PCMT1: variants seen among roughly 807,000 people sequenced by gnomAD.
PCMT1 encodes the protein protein-L-isoaspartate (D-aspartate) O-methyltransferase.
PCMT1 carries 9 observed loss-of-function variants against 29.2 expected under a neutral mutation model. That is an observed-to-expected ratio of 0.31 (90% CI 0.19 to 0.54). The LOEUF (loss-of-function observed/expected upper bound fraction) is 0.54. Ranked by LOEUF, PCMT1 falls within the 20% of genes least tolerant of loss-of-function variation. The probability of loss-of-function intolerance (pLI) is 0.95; values close to 1 mark genes in which losing one functional copy is unlikely to be tolerated. For synonymous variants in PCMT1, 98 were observed against 97.5 expected (o/e 1.00, Z -0.03); for missense variants, 184 against 282.2 (o/e 0.65, Z 2.49).
chr6:149,778,909 A>G (rs1272074732), intron 3 of PCMT1, among the ~76,000 whole-genome samples: 1 of 152,200 alleles, frequency 6.6e-6, no homozygotes, highest in African/African-American at 2.4e-5. Context: ...GTGATTAAAA[A>G]GAAAAGTTAT....
At position 149,781,467 on chromosome 6, in the gene PCMT1, C is replaced by T. The variant is rs190505663; in HGVS notation, c.192+8298C>T. Among the ~76,000 whole-genome samples, 1,451 of 152,152 alleles carry T rather than the reference C, an allele frequency of 9.5e-3. 29 individuals carry two copies. The highest frequency in any genetic ancestry group is 0.078 in the South Asian group (373 of 4,812). On this transcript the variant is annotated intron_variant, in intron 3 of 7. Coordinates refer to ENST00000464889, the MANE Select transcript of PCMT1 (RefSeq NM_001360452.2). Reference sequence around the variant, plus strand: ...GTCTTGAACTCCTGACCTCGTGATCCGCCCACCTCAGCCTCCCAAAGTGTT... The same window carrying T: ...GTCTTGAACTCCTGACCTCGTGATCTGCCCACCTCAGCCTCCCAAAGTGTT...
intron 3 of PCMT1, among the ~76,000 whole-genome samples, chr6:149,781,645 C>G (rs1397961434): frequency 6.6e-6 from 1 of 152,154 alleles, no homozygotes; most frequent in African/African-American, 2.4e-5. Flanking sequence ...CACGAGCCAC[C>G]ATAACTGGCC....
chr6:149,786,244 A>G lies in PCMT1; in HGVS notation c.193-3710A>G, dbSNP rs111574261. ...CCCCCACCTCCCTCCCAGACGGGAC[A>G]GGGCGGCTGGCCGGGCGGGGGTGCT... On this transcript the variant is annotated intron_variant, in intron 3 of 7. Coordinates refer to ENST00000464889, the MANE Select transcript of PCMT1 (RefSeq NM_001360452.2). 0.02 allele frequency among the ~76,000 whole-genome samples: 677 copies of G among 33,174 alleles called. 239 individuals carry two copies. The East Asian group carries it at 0.57, about 28-fold the overall frequency. 21.8% of individuals were successfully genotyped at this position (33,174 alleles called of 152,430 possible). A position where few individuals can be genotyped will look rare whatever the true frequency, so the allele number is the denominator to read the frequency against.
At chr6:149,762,996 TATG>T (rs1445517829) in intron 1 of PCMT1, among the ~76,000 whole-genome samples, 1 of 64,400 alleles carries the variant, frequency 1.6e-5, no homozygotes, top group Non-Finnish European at 2.2e-5. Context: ...CTATGATATA[TATG>T]ATATATATAT....
chr6:149,765,691 G>A, intron 1 of PCMT1: 1 of 361,028 alleles, frequency 2.8e-6, no homozygotes, highest in South Asian at 2.1e-5. Flanking sequence ...TTTTTGCTAG[G>A]CATGATGGCT....
chr6:149,789,066 A>ATTTTTTTTTTTTTT (rs56661461), intron 3 of PCMT1, among the ~76,000 whole-genome samples: 2 of 90,476 alleles, frequency 2.2e-5, no homozygotes, highest in Admixed American at 1.5e-4. Flanking sequence ...ATTGGATCTG[A>ATTTTTTTTTTTTTT]TTTTTTTTTT....
chr6:149,802,180 C>CTTT lies in PCMT1; in HGVS notation c.505-10_505-8dup, dbSNP rs11297063. On this transcript the variant is annotated intron_variant, in intron 6 of 7. Coordinates refer to ENST00000464889, the MANE Select transcript of PCMT1 (RefSeq NM_001360452.2). ...AATCTGTAACTTGGTGATGTATGTG[C>CTTT]TTTTTTTTTTTTCTTTTAGCTAATA... 7.9e-6 allele frequency: 10 copies of CTTT among 1,265,894 alleles called. No homozygotes were observed. The highest frequency in any genetic ancestry group is 3.2e-5 in the African/African-American group (2 of 63,128). 78.4% of individuals were successfully genotyped at this position (1,265,894 alleles called of 1,614,324 possible).
At chr6:149,808,857 C>T (rs1380060499) in intron 7 of PCMT1, among the ~76,000 whole-genome samples, 2 of 151,730 alleles carry the variant, frequency 1.3e-5, no homozygotes, top group Admixed American at 1.3e-4. Flanking sequence ...AGGATGGTCT[C>T]GATCTCCTGA....
At chr6:149,767,588 G>C (rs754555563) in intron 1 of PCMT1, among the ~76,000 whole-genome samples, 1 of 151,846 alleles carries the variant, frequency 6.6e-6, no homozygotes, top group African/African-American at 2.4e-5. Context: ...GAGTAGCTGG[G>C]TCTACAGGTA....
At chr6:149,777,590 T>G (rs1300805293) in intron 3 of PCMT1, among the ~76,000 whole-genome samples, 1 of 152,168 alleles carries the variant, frequency 6.6e-6, no homozygotes, top group Non-Finnish European at 1.5e-5. Context: ...CAAAGGGTAT[T>G]TAGAATATTC....
At chr6:149,795,627 C>T (rs934078318) in intron 5 of PCMT1, 2 of 483,400 alleles carry the variant, frequency 4.1e-6, no homozygotes, top group Non-Finnish European at 3.9e-6. Context: ...CACTGTGTTT[C>T]AATCTATTCT....
chr6:149,753,369 AT>A (rs66542243), intron 1 of PCMT1, among the ~76,000 whole-genome samples: 66,230 of 151,268 alleles, frequency 0.44, 15,516 homozygotes, highest in East Asian at 0.81. Context: ...TTTCGCTCTT[AT>A]TGCCCAGGCT....
rs143280079 is a variant in PCMT1 at position 149,802,220 on chromosome 6, C to T, written c.525C>T (p.Pro175=). Residue 175 remains proline, a synonymous_variant, in exon 7 of 8, where the codon CCC becomes CCT. Coordinates refer to ENST00000464889, the MANE Select transcript of PCMT1 (RefSeq NM_001360452.2). Reference sequence around the variant, plus strand: ...TTTAGCTAATAGATCAGTTAAAGCCCGGAGGAAGATTGATATTGCCTGTTG... The same window carrying T: ...TTTAGCTAATAGATCAGTTAAAGCCTGGAGGAAGATTGATATTGCCTGTTG... The part of the protein sequence containing the change: ...VPQALIDQLK[P]GGRLILPVGP... The T allele has an allele frequency of 2.0e-5, 32 of 1,608,888 alleles. No individual in the cohort carries two copies. The highest frequency in any genetic ancestry group is 2.5e-5 in the Non-Finnish European group (29 of 1,177,008).
chr6:149,787,825 G>C lies in PCMT1; in HGVS notation c.193-2129G>C, dbSNP rs200214881. Reference sequence around the variant, plus strand: ...TCTCCCTTTATCCCCTCTCTCCTCTGTGTGTGTGTGTGTGTGTGTATGTGT... The same window carrying C: ...TCTCCCTTTATCCCCTCTCTCCTCTCTGTGTGTGTGTGTGTGTGTATGTGT... On this transcript the variant is annotated intron_variant, in intron 3 of 7. Transcript: ENST00000464889. Among the ~76,000 whole-genome samples the C allele has an allele frequency of 7.5e-5, 3 of 39,744 alleles. No individual in the cohort carries two copies. The Admixed American group carries it at 1.2e-3, about 16-fold the overall frequency. 26.1% of individuals were successfully genotyped at this position (39,744 alleles called of 152,430 possible). A position where few individuals can be genotyped will look rare whatever the true frequency, so the allele number is the denominator to read the frequency against.
At chr6:149,758,435 C>T (rs548843332) in intron 1 of PCMT1, among the ~76,000 whole-genome samples, 3 of 151,718 alleles carry the variant, frequency 2.0e-5, no homozygotes, top group Non-Finnish European at 4.4e-5. Flanking sequence ...TGGTCTCAAA[C>T]TCCTGACTTT....
At chr6:149,753,021 TTAGAG>T (rs1182865772) in intron 1 of PCMT1, among the ~76,000 whole-genome samples, 100 of 152,334 alleles carry the variant, frequency 6.6e-4, no homozygotes, top group African/African-American at 2.1e-3. Context: ...TAAGAGGAAA[TTAGAG>T]TAGAATAGTT....
intron 1 of PCMT1, among the ~76,000 whole-genome samples, chr6:149,759,406 A>G (rs1170963173): frequency 6.6e-6 from 1 of 152,180 alleles, no homozygotes; most frequent in Admixed American, 6.6e-5. Context: ...TAATAAGGTA[A>G]TATTTCTTTT....
chr6:149,750,275 C>T (rs1786252596), intron 1 of PCMT1: 1 of 350,104 alleles, frequency 2.9e-6, no homozygotes, highest in Non-Finnish European at 5.2e-6. Context: ...GGTCCGCGTC[C>T]GGGTCCGGCT....
chr6:149,806,727 A>C (rs112890400), intron 7 of PCMT1, among the ~76,000 whole-genome samples: 6,145 of 152,150 alleles, frequency 0.04, 209 homozygotes, highest in Non-Finnish European at 0.062. Context: ...AGTAGCTGGG[A>C]CCACAGGGTG....
Sources: gnomAD v4.1 joint callset for allele counts (sites outside exome capture counted in the v4.1 genomes callset) on GRCh38, gnomAD v4.1.1 for gene constraint, MANE v1.5 for transcripts, NCBI Gene and HGNC (gene_info 2026-07-23, HGNC 2026-07-21) for gene names.